CACNB4: variants seen among roughly 807,000 people sequenced by gnomAD.
The protein encoded by CACNB4 is voltage-dependent L-type calcium channel subunit beta-4.
Under a neutral mutation model 71.2 loss-of-function variants are expected in CACNB4, and 32 were observed. The ratio of observed to expected loss-of-function variants is 0.45; its 90% confidence interval spans 0.34 to 0.60. The LOEUF (loss-of-function observed/expected upper bound fraction) is 0.60, where lower values mean the gene tolerates loss of function less well. CACNB4 is among the 20% of genes least tolerant of loss of function. The pLI is 0.01. For missense variants in CACNB4, 464 were observed against 647.9 expected (o/e 0.72, Z 3.08); for synonymous variants, 231 against 236.9 (o/e 0.97, Z 0.23).
intron 4 of CACNB4, among the ~76,000 whole-genome samples, chr2:151,879,014 T>C (rs2099847187): frequency 6.6e-6 from 1 of 152,254 alleles, no homozygotes. Context: ...TCCTGTCTTT[T>C]AGTATAACAG....
chr2:151,903,462 T>C (rs534538143), intron 2 of CACNB4, among the ~76,000 whole-genome samples: 1 of 152,210 alleles, frequency 6.6e-6, no homozygotes, highest in East Asian at 1.9e-4. Context: ...GAGGCTGCAG[T>C]GAGCCAAGAC....
At chr2:151,942,359 T>C (rs1170974540) in intron 2 of CACNB4, among the ~76,000 whole-genome samples, 1 of 149,254 alleles carries the variant, frequency 6.7e-6, no homozygotes, top group African/African-American at 2.6e-5. Context: ...CCTGTCTTAT[T>C]TTAATCTCCT....
At chr2:152,013,324 T>A (rs1199644856) in intron 2 of CACNB4, among the ~76,000 whole-genome samples, 1 of 152,156 alleles carries the variant, frequency 6.6e-6, no homozygotes, top group Non-Finnish European at 1.5e-5. Flanking sequence ...ATTACACAAT[T>A]TCAAGACAGC....
intron 2 of CACNB4, among the ~76,000 whole-genome samples, chr2:152,074,004 G>A (rs1686850499): frequency 6.6e-6 from 1 of 152,146 alleles, no homozygotes; most frequent in Non-Finnish European, 1.5e-5. Context: ...CAAAGGCTGA[G>A]AATCAGCTGA....
At position 151,835,277 on chromosome 2, in the gene CACNB4, A is replaced by G. The variant is rs1012500308; in HGVS notation, c.*3842T>C. Reference sequence around the variant, plus strand: ...GATAAACTGTGAACCAATTCAAAGAAAACTTCACTAACGTGGAAGAAATGA... The same window carrying G: ...GATAAACTGTGAACCAATTCAAAGAGAACTTCACTAACGTGGAAGAAATGA... On this transcript the variant is annotated 3_prime_UTR_variant, in exon 14 of 14. Transcript: ENST00000539935. 1.3e-5 allele frequency: 2 copies of G among 151,992 alleles called. No individual in the cohort carries two copies. Among genetic ancestry groups the G allele is most frequent in the Admixed American group, 1.3e-4 (2 of 15,252 alleles). The allele number at this position is 151,992 out of a possible 1,614,324, so 9.4% of individuals were successfully genotyped here. A position where few individuals can be genotyped will look rare whatever the true frequency, so the allele number is the denominator to read the frequency against.
At chr2:152,068,336 G>A (rs1686466546) in intron 2 of CACNB4, among the ~76,000 whole-genome samples, 1 of 152,110 alleles carries the variant, frequency 6.6e-6, no homozygotes, top group South Asian at 2.1e-4. Flanking sequence ...GGAAATTTTT[G>A]TCCTTTTTAA....
At chr2:152,053,183 G>A (rs1300223537) in intron 2 of CACNB4, among the ~76,000 whole-genome samples, 2 of 152,164 alleles carry the variant, frequency 1.3e-5, no homozygotes, top group Non-Finnish European at 2.9e-5. Context: ...AAGGGGGCTG[G>A]TCAGGAAAGA....
intron 2 of CACNB4, among the ~76,000 whole-genome samples, chr2:152,001,002 A>G (rs530578623): frequency 1.3e-5 from 2 of 152,294 alleles, no homozygotes; most frequent in South Asian, 4.1e-4. Flanking sequence ...TATCATGCCT[A>G]CTGCATACCA....
rs1688411862 is a variant in CACNB4, at chr2:152,098,566, C to T, written c.64-153G>A. ...CTCCTCCGCGACTCCCAAATACAGC[C>T]CCCACCCCCACCCACCCACTGCAAG... On this transcript the variant is annotated intron_variant, in intron 1 of 13. Transcript: ENST00000539935. This position sits in a 1 kb window ranked among gnomAD's most constrained non-coding sequence, Gnocchi z 5.3. 5.9e-6 allele frequency: 5 copies of T among 846,750 alleles called. No individual in the cohort carries two copies. The highest frequency in any genetic ancestry group is 5.7e-5 in the South Asian group (4 of 70,154). The allele number at this position is 846,750 out of a possible 1,614,324, so 52.5% of individuals were successfully genotyped here. A position where few individuals can be genotyped will look rare whatever the true frequency, so the allele number is the denominator to read the frequency against.
rs748444028 is a variant in CACNB4, at chr2:151,855,314, A to G, written c.930T>C (p.Val310=). The G allele has an allele frequency of 6.2e-7, 1 of 1,600,540 alleles. No individual in the cohort carries two copies. The highest frequency in any genetic ancestry group is 1.7e-5 in the Admixed American group (1 of 59,872). The part of the protein sequence containing the change: ...FELARSLQLV[V]LDADTINHPA... ...GGTGATTGATGGTGTCTGCATCAAG[A>G]ACAACCAGTTGCAAAGATCTTGCCA... The change falls in exon 11 of 14, where the codon GTT becomes GTC. Residue 310 remains valine (V), a synonymous_variant. Transcript: ENST00000539935.
intron 2 of CACNB4, among the ~76,000 whole-genome samples, chr2:152,078,103 G>A (rs981590938): frequency 2.6e-5 from 4 of 152,118 alleles, no homozygotes; most frequent in Admixed American, 6.5e-5. Flanking sequence ...GGCTTTTTGC[G>A]ATAGAACTGA....
At chr2:151,882,955 G>A (rs2151451385) in intron 3 of CACNB4, 1 of 399,632 alleles carries the variant, frequency 2.5e-6, no homozygotes. Flanking sequence ...GCCAGCTGGT[G>A]CCTGGGGGGC....
chr2:151,895,580 C>A (rs562538641), intron 2 of CACNB4, among the ~76,000 whole-genome samples: 113 of 151,974 alleles, frequency 7.4e-4, no homozygotes, highest in African/African-American at 2.6e-3. Flanking sequence ...TACCATACAG[C>A]TTGAATTTTT....
chr2:151,869,187 A>C lies in CACNB4; in HGVS notation c.748T>G (p.Phe250Val), dbSNP rs1191656611. The C allele has an allele frequency of 6.4e-7, 1 of 1,560,742 alleles. No individual in the cohort carries two copies. The highest frequency in any genetic ancestry group is 8.7e-7 in the Non-Finnish European group (1 of 1,146,434). ...KALFDFLKHR[F>V]DGRISITRVT... is the part of the protein sequence containing the mutation. ...ATCTATATTTCTCACCTCCCATCAA[A>C]CCTGTGCTTCAGGAAATCAAAGAGG... is the stretch of plus-strand genomic sequence containing the variant. Residue 250 changes from phenylalanine to valine, a missense_variant, in exon 9 of 14, where the codon TTT becomes GTT. This residue lies in a region of CACNB4 where 299 missense variants were observed against 471.7 expected (regional missense o/e 0.63). Coordinates refer to ENST00000539935, the MANE Select transcript of CACNB4 (RefSeq NM_000726.5).
chr2:151,896,726 G>A (rs1203980663), intron 2 of CACNB4, among the ~76,000 whole-genome samples: 1 of 152,206 alleles, frequency 6.6e-6, no homozygotes, highest in Non-Finnish European at 1.5e-5. Flanking sequence ...TGTGTTAGAG[G>A]TCATTATGGC....
intron 2 of CACNB4, among the ~76,000 whole-genome samples, chr2:151,956,719 CT>C (rs370331594): frequency 3.3e-5 from 5 of 152,318 alleles, no homozygotes; most frequent in African/African-American, 1.2e-4. Context: ...AAGAAACAAA[CT>C]ATCAAGTGTT....
At chr2:152,046,849 A>G (rs939952208) in intron 2 of CACNB4, among the ~76,000 whole-genome samples, 1 of 152,156 alleles carries the variant, frequency 6.6e-6, no homozygotes. Context: ...AACTGTCTCC[A>G]GGCGCTACCA....
At chr2:151,844,635 G>A (rs1030974652) in intron 12 of CACNB4, among the ~76,000 whole-genome samples, 2 of 152,134 alleles carry the variant, frequency 1.3e-5, no homozygotes, top group Admixed American at 6.5e-5. Flanking sequence ...TAGAATCTCA[G>A]AACTGTCCAT....
intron 2 of CACNB4, among the ~76,000 whole-genome samples, chr2:151,921,542 A>C (rs2099859028): frequency 1.3e-5 from 2 of 152,226 alleles, no homozygotes; most frequent in Admixed American, 1.3e-4. Context: ...AGGTGTCAGC[A>C]GGACTGTGTT....
Sources: gnomAD v4.1 joint callset for allele counts (sites outside exome capture counted in the v4.1 genomes callset) on GRCh38, gnomAD v4.1.1 for gene constraint, gnomAD v4.1.1 regional missense constraint, Gnocchi (gnomAD v3.1) non-coding constraint, MANE v1.5 for transcripts, NCBI Gene and HGNC (gene_info 2026-07-23, HGNC 2026-07-21) for gene names.